Variants in SGCD observed in about 807,000 individuals in gnomAD.
The protein encoded by SGCD is delta-sarcoglycan.
In SGCD, 18 loss-of-function variants were observed where a neutral mutation model predicts 36.6. The observed-to-expected ratio is 0.49, with a 90% CI of 0.34 to 0.73. SGCD has a LOEUF of 0.73. Among genes scored for constraint, SGCD ranks in the 30% least tolerant of loss-of-function variants. The pLI is 0.01. For synonymous variants in SGCD, 133 were observed against 130.6 expected (o/e 1.02, Z -0.12); for missense variants, 387 against 346.7 (o/e 1.12, Z -0.92).
At chr5:156,620,387 A>G (rs192301460) in intron 6 of SGCD, among the ~76,000 whole-genome samples, 105 of 152,132 alleles carry the variant, frequency 6.9e-4, no homozygotes, top group Middle Eastern at 6.8e-3. Flanking sequence ...AAAGTTCTCA[A>G]ATAAGTTATA....
intron 3 of SGCD, among the ~76,000 whole-genome samples, chr5:156,214,872 G>A (rs943839747): frequency 6.6e-6 from 1 of 152,046 alleles, no homozygotes; most frequent in Non-Finnish European, 1.5e-5. Flanking sequence ...AATAAATTCT[G>A]TTGGGATAAA....
chr5:156,113,774 T>A (rs1001058243), intron 1 of SGCD, among the ~76,000 whole-genome samples: 4 of 152,178 alleles, frequency 2.6e-5, no homozygotes, highest in African/African-American at 4.8e-5. Context: ...GTCCTTCTTT[T>A]GATGAATGGA....
chr5:156,024,582 CCA>C (rs768035896), intron 1 of SGCD, among the ~76,000 whole-genome samples: 1 of 151,994 alleles, frequency 6.6e-6, no homozygotes, highest in Non-Finnish European at 1.5e-5. Flanking sequence ...TCAAAATGCT[CCA>C]GTTATGGTTC....
At chr5:155,891,124 T>G (rs969116880) in intron 1 of SGCD, among the ~76,000 whole-genome samples, 6 of 152,202 alleles carry the variant, frequency 3.9e-5, no homozygotes, top group Admixed American at 1.3e-4. Context: ...ATCAGATGAA[T>G]GAGCAAAAGT....
intron 3 of SGCD, among the ~76,000 whole-genome samples, chr5:156,306,894 T>A (rs1767228843): frequency 1.3e-5 from 2 of 152,218 alleles, no homozygotes; most frequent in African/African-American, 4.8e-5. Context: ...TTTATAATCA[T>A]CATTTTCTTG....
chr5:156,687,480 A>T (rs1029699593), intron 7 of SGCD, among the ~76,000 whole-genome samples: 1 of 152,192 alleles, frequency 6.6e-6, no homozygotes, highest in Admixed American at 6.5e-5. Flanking sequence ...AAGGCATAAA[A>T]TTCAACTTGT....
At chr5:156,656,012 G>A (rs569268475) in intron 7 of SGCD, among the ~76,000 whole-genome samples, 4 of 152,176 alleles carry the variant, frequency 2.6e-5, no homozygotes, top group East Asian at 1.9e-4. Context: ...CTGATCCTAC[G>A]AGAATAGGAA....
chr5:155,894,054 G>C (rs1018165905), intron 1 of SGCD, among the ~76,000 whole-genome samples: 2 of 152,182 alleles, frequency 1.3e-5, no homozygotes, highest in African/African-American at 4.8e-5. Flanking sequence ...TTACAAGCCT[G>C]GAAGTTGTTC....
chr5:155,728,538 G>A, the SGCD span, among the ~76,000 whole-genome samples: 2 of 152,352 alleles, frequency 1.3e-5, no homozygotes, highest in East Asian at 1.9e-4. Flanking sequence ...TCTCTTGCGC[G>A]CTGTCTGCTC....
At chr5:155,803,816 G>T in the SGCD span, among the ~76,000 whole-genome samples, 3 of 152,188 alleles carry the variant, frequency 2.0e-5, no homozygotes, top group African/African-American at 7.2e-5. Context: ...CAGTGATGGA[G>T]CATAGGGTAT....
chr5:156,495,215 T>A (rs1466921881), intron 3 of SGCD, among the ~76,000 whole-genome samples: 1 of 152,122 alleles, frequency 6.6e-6, no homozygotes, highest in African/African-American at 2.4e-5. Context: ...TGCTTCTCTT[T>A]AGTTAAGGCT....
chr5:156,492,165 T>A (rs1439214559), intron 3 of SGCD, among the ~76,000 whole-genome samples: 2 of 152,180 alleles, frequency 1.3e-5, no homozygotes, highest in East Asian at 3.8e-4. Flanking sequence ...TTTTAATTCA[T>A]TGTCATTCTC....
intron 3 of SGCD, among the ~76,000 whole-genome samples, chr5:156,283,897 G>T (rs1200938939): frequency 6.6e-6 from 1 of 152,134 alleles, no homozygotes; most frequent in Non-Finnish European, 1.5e-5. Context: ...AGTGAAAAGT[G>T]CTGAGTTCTC....
intron 7 of SGCD, among the ~76,000 whole-genome samples, chr5:156,747,398 C>CT (rs1183199940): frequency 6.6e-6 from 1 of 152,148 alleles, no homozygotes; most frequent in Admixed American, 6.5e-5. Context: ...TGATTCAAGA[C>CT]TTTTTTATGA....
At chr5:155,922,150 G>A (rs1756891381) in intron 1 of SGCD, among the ~76,000 whole-genome samples, 1 of 152,186 alleles carries the variant, frequency 6.6e-6, no homozygotes, top group African/African-American at 2.4e-5. Context: ...CTGACCCTCT[G>A]TTTCTTTGTC....
At chr5:155,929,257 A>G (rs1228351087) in intron 1 of SGCD, among the ~76,000 whole-genome samples, 1 of 152,142 alleles carries the variant, frequency 6.6e-6, no homozygotes, top group Non-Finnish European at 1.5e-5. Flanking sequence ...TCTTCATTGG[A>G]TCATCTCCAG....
intron 3 of SGCD, among the ~76,000 whole-genome samples, chr5:156,390,499 G>A (rs1162361003): frequency 1.3e-5 from 2 of 152,284 alleles, no homozygotes; most frequent in East Asian, 3.9e-4. Flanking sequence ...AGGCCATGGC[G>A]GCGGGTGGAT....
intron 3 of SGCD, among the ~76,000 whole-genome samples, chr5:156,369,257 G>C (rs1305371717): frequency 1.3e-5 from 2 of 152,204 alleles, no homozygotes; most frequent in Non-Finnish European, 2.9e-5. Flanking sequence ...TTTGTTTGCA[G>C]TGTTGTTTTT....
chr5:155,744,201 C>A, the SGCD span, among the ~76,000 whole-genome samples: 2 of 152,060 alleles, frequency 1.3e-5, no homozygotes, highest in African/African-American at 2.4e-5. Flanking sequence ...GTGACTCACG[C>A]CTGTAATCCC....
Sources: gnomAD v4.1 joint callset for allele counts (sites outside exome capture counted in the v4.1 genomes callset) on GRCh38, gnomAD v4.1.1 for gene constraint, MANE v1.5 for transcripts, NCBI Gene and HGNC (gene_info 2026-07-23, HGNC 2026-07-21) for gene names.